The following POPDC3 variants were observed in gnomAD, a reference collection of about 807,000 sequenced individuals.
POPDC3 encodes the protein popeye domain cAMP effector 3, also known as popeye domain-containing protein 3.
POPDC3 carries 20 observed loss-of-function variants against 28.2 expected under a neutral mutation model. That is an observed-to-expected ratio of 0.71 (90% CI 0.50 to 1.03). The LOEUF (loss-of-function observed/expected upper bound fraction) is 1.03. Ranked by LOEUF, POPDC3 falls within the 50% of genes least tolerant of loss-of-function variation. The pLI is 0.00. For missense variants in POPDC3, 316 were observed against 345.9 expected (o/e 0.91, Z 0.69); for synonymous variants, 118 against 124.1 (o/e 0.95, Z 0.33).
intron 1 of POPDC3, chr6:105,177,201 A>C (rs1363447510): frequency 6.6e-6 from 1 of 152,420 alleles, no homozygotes; most frequent in East Asian, 1.9e-4. Flanking sequence ...GTCGCTGCCC[A>C]TCCACTCCCT....
At position 105,166,498 on chromosome 6, in the gene POPDC3, C is replaced by T. The variant is rs760858992; in HGVS notation, c.-251-4338G>A. ...GGGGGAGGGAAAAGAGACACCAGAA[C>T]ATTCCACAGAATAAAGGATCTGGAT... is the stretch of plus-strand genomic sequence containing the variant. On this transcript the variant is annotated intron_variant, in intron 1 of 3. Transcript: ENST00000254765. 1.3e-4 allele frequency: 58 copies of T among 461,336 alleles called. 1 individual carries two copies. The highest frequency in any genetic ancestry group is 4.9e-5 in the Non-Finnish European group (11 of 222,576). 28.6% of individuals were successfully genotyped at this position (461,336 alleles called of 1,614,324 possible).
chr6:105,169,952 A>G (rs548135219), intron 1 of POPDC3: 1 of 152,300 alleles, frequency 6.6e-6, no homozygotes, highest in South Asian at 2.1e-4. Context: ...CAAATCAACA[A>G]CATTCTTATT....
At chr6:105,160,178 A>G (rs1228298338) in intron 2 of POPDC3, 3 of 159,752 alleles carry the variant, frequency 1.9e-5, no homozygotes, top group African/African-American at 7.2e-5. Flanking sequence ...AAGAACATAG[A>G]GGAGTTCTGC....
intron 1 of POPDC3, among the ~76,000 whole-genome samples, chr6:105,176,552 T>G (rs1448467531): frequency 1.8e-5 from 2 of 112,750 alleles, no homozygotes; most frequent in Admixed American, 1.2e-4. Flanking sequence ...CTTTTTAATC[T>G]TTTGACATAT....
chr6:105,161,163 T>C (rs1051564647), intron 2 of POPDC3, among the ~76,000 whole-genome samples: 4 of 152,230 alleles, frequency 2.6e-5, no homozygotes, highest in Non-Finnish European at 5.9e-5. Context: ...ACAAATATCA[T>C]ATCACATAAA....
At chr6:105,165,362 T>G (rs1435242621) in intron 1 of POPDC3, among the ~76,000 whole-genome samples, 1 of 152,214 alleles carries the variant, frequency 6.6e-6, no homozygotes, top group Non-Finnish European at 1.5e-5. Flanking sequence ...TCATGAATAA[T>G]TTGCTGTATT....
chr6:105,173,020 AAAACTT>A (rs754388498), intron 1 of POPDC3, among the ~76,000 whole-genome samples: 4 of 152,210 alleles, frequency 2.6e-5, no homozygotes, highest in Non-Finnish European at 4.4e-5. Flanking sequence ...CATGTACCCT[AAAACTT>A]AAAGTATAAT....
Position 105,158,419 on chromosome 6 carries a change from AATG to A in POPDC3, c.*48_*50del. 1.4e-6 allele frequency: 2 copies of A among 1,440,546 alleles called. No individual in the cohort carries two copies. Among genetic ancestry groups the A allele is most frequent in the Non-Finnish European group, 1.9e-6 (2 of 1,071,996 alleles). 89.2% of individuals were successfully genotyped at this position (1,440,546 alleles called of 1,614,324 possible). ...TTTGTATTTTGCTATTTCACTGGGG[AATG>A]ATGAAGAGAGAGTCTTTTTTTATAC... On this transcript the variant is annotated 3_prime_UTR_variant, in exon 4 of 4. Transcript: ENST00000254765.
intron 1 of POPDC3, among the ~76,000 whole-genome samples, chr6:105,175,319 C>T (rs1294612972): frequency 3.6e-5 from 5 of 140,352 alleles, no homozygotes; most frequent in African/African-American, 1.3e-4. Flanking sequence ...TGGGAGGATG[C>T]CTTGAGCCTA....
At chr6:105,161,152 A>T (rs1774317682) in intron 2 of POPDC3, among the ~76,000 whole-genome samples, 1 of 152,248 alleles carries the variant, frequency 6.6e-6, no homozygotes, top group African/African-American at 2.4e-5. Flanking sequence ...GTAATTAGGA[A>T]ACAAATATCA....
chr6:105,159,772 A>C lies in POPDC3; in HGVS notation c.533T>G (p.Leu178Arg). The C allele has an allele frequency of 6.2e-7, 1 of 1,612,278 alleles. No individual in the cohort carries two copies. Among genetic ancestry groups the C allele is most frequent in the Non-Finnish European group, 8.5e-7 (1 of 1,178,842 alleles). The change falls in exon 3 of 4, where the codon CTT (leucine) becomes CGT (arginine). Residue 178 changes from leucine (L) to arginine (R), a missense_variant. Physicochemically the swap from Leu to Arg is moderately radical, Grantham distance 102. Transcript: ENST00000254765. Reference sequence around the variant, plus strand: ...CCACTCAGGAGAATCCAGGAACTGAAGGGGGAAAATGTAATGCAGAAATTC... The same window carrying C: ...CCACTCAGGAGAATCCAGGAACTGACGGGGGAAAATGTAATGCAGAAATTC... ...DGEFLHYIFP[L>R]QFLDSPEWDS... is the part of the protein sequence containing the mutation.
chr6:105,179,334 G>C (rs915440136), intron 1 of POPDC3: 1 of 865,316 alleles, frequency 1.2e-6, no homozygotes. Context: ...TTTGCTTACA[G>C]ACCGGGGGCG....
chr6:105,158,270 C>A lies in POPDC3; in HGVS notation c.*200G>T. 1 of 514,238 alleles carries A rather than the reference C, an allele frequency of 1.9e-6. No individual in the cohort carries two copies. Among genetic ancestry groups the A allele is most frequent in the Admixed American group, 3.5e-5 (1 of 28,626 alleles). 31.9% of individuals were successfully genotyped at this position (514,238 alleles called of 1,614,324 possible). On this transcript the variant is annotated 3_prime_UTR_variant, in exon 4 of 4. Transcript: ENST00000254765. Reference sequence around the variant, plus strand: ...TTATCCACCCCCTCCCCAATTATAACAATGAGAAATACAAGAAAAATTTGT... The same window carrying A: ...TTATCCACCCCCTCCCCAATTATAAAAATGAGAAATACAAGAAAAATTTGT...
At chr6:105,179,406 C>G (rs1465181149) in intron 1 of POPDC3, among the ~76,000 whole-genome samples, 1 of 152,064 alleles carries the variant, frequency 6.6e-6, no homozygotes, top group Non-Finnish European at 1.5e-5. Context: ...ACAAGGGCCC[C>G]TAGGAACGGC....
chr6:105,166,571 G>A (rs750864822), intron 1 of POPDC3: 4 of 471,146 alleles, frequency 8.5e-6, no homozygotes, highest in Non-Finnish European at 8.8e-6. Flanking sequence ...TCCTCTTCAT[G>A]TGTTCTCACT....
chr6:105,171,689 T>C (rs1774580889), intron 1 of POPDC3, among the ~76,000 whole-genome samples: 1 of 149,278 alleles, frequency 6.7e-6, no homozygotes. Context: ...ATAATAATAA[T>C]TATTATTATT....
At position 105,172,550 on chromosome 6, in the gene POPDC3, G is replaced by T. The variant is rs557193522; in HGVS notation, c.-252+7283C>A. On this transcript the variant is annotated intron_variant, in intron 1 of 3. Transcript: ENST00000254765. ...CCCATTACTGGGTATATACCCAAAG[G>T]ATTATAAATCATGCTGCTATAAAGA... is the stretch of plus-strand genomic sequence containing the variant. Among the ~76,000 whole-genome samples, 297 of 150,738 alleles carry T rather than the reference G, an allele frequency of 2.0e-3. 7 individuals carry two copies. The highest frequency in any genetic ancestry group is 3.4e-3 in the Admixed American group (51 of 15,136).
chr6:105,172,787 C>T (rs1562157020), intron 1 of POPDC3, among the ~76,000 whole-genome samples: 2 of 147,884 alleles, frequency 1.4e-5, no homozygotes, highest in African/African-American at 5.0e-5. Context: ...ATTGCAAGGA[C>T]AAAAAACCAA....
chr6:105,178,706 TTA>T, intron 1 of POPDC3: 1 of 984,504 alleles, frequency 1.0e-6, no homozygotes, highest in Non-Finnish European at 1.2e-6. Flanking sequence ...AATTTTTTGT[TTA>T]TATTTTCTGT....
Sources: allele counts gnomAD v4.1 joint callset (sites outside exome capture counted in the v4.1 genomes callset), GRCh38; gene constraint gnomAD v4.1.1; transcripts MANE v1.5; gene names NCBI Gene and HGNC (gene_info 2026-07-23, HGNC 2026-07-21).